The following CSMD1 variants were observed in gnomAD, a reference collection of about 807,000 sequenced individuals.
CSMD1 encodes CUB and sushi domain-containing protein 1.
In CSMD1, 213 loss-of-function variants were observed where a neutral mutation model predicts 417.5. That is an observed-to-expected ratio of 0.51 (90% CI 0.46 to 0.57). The LOEUF is 0.57. Among genes scored for constraint, CSMD1 ranks in the 20% least tolerant of loss-of-function variants. CSMD1 has a pLI of 0.00. For missense variants in CSMD1, 6,923 were observed against 4,529.7 expected (o/e 1.53, Z -15.17); for synonymous variants, 2,862 against 1,736.8 (o/e 1.65, Z -16.11).
chr8:4,283,800 C>T lies in CSMD1; in HGVS notation c.415+136153G>A, dbSNP rs545839052. Among the ~76,000 whole-genome samples the T allele has an allele frequency of 4.5e-4, 68 of 151,878 alleles. No individual in the cohort carries two copies. The South Asian group carries it at 0.012, about 27-fold the overall frequency. ...CAAAAGGAGAATAAAAAAAAAAATC[C>T]GCTTTACCCACCTATAAAATCCTAC... On this transcript the variant is annotated intron_variant, in intron 3 of 69. Transcript: ENST00000635120.
In CSMD1 at chr8:2,974,458, G is replaced by A. The variant is rs1172191962; in HGVS notation, c.8733C>T (p.His2911=). 6.2e-7 allele frequency: 1 copy of A among 1,604,020 alleles called. No individual in the cohort carries two copies. Among genetic ancestry groups the A allele is most frequent in the African/African-American group, 1.3e-5 (1 of 74,676 alleles). Residue 2911 remains histidine (H), a synonymous_variant, in exon 56 of 70, where the codon CAC becomes CAT. Transcript: ENST00000635120. The part of the protein sequence containing the change: ...EDSHWSGALP[H]CTGNNPGFCG... ...CACTCGTAAGCCCCTCACCTGTGCA[G>A]TGGGGCAGTGCCCCGCTCCAGTGAC...
chr8:4,254,705 T>G (rs770613227), intron 3 of CSMD1, among the ~76,000 whole-genome samples: 3 of 152,124 alleles, frequency 2.0e-5, no homozygotes, highest in Non-Finnish European at 4.4e-5. Context: ...ACCGTACCTT[T>G]TCCATGTGTA....
intron 5 of CSMD1, among the ~76,000 whole-genome samples, chr8:3,833,371 C>A (rs984669586): frequency 2.0e-5 from 3 of 152,046 alleles, no homozygotes; most frequent in Non-Finnish European, 4.4e-5. Context: ...CATTTCCTCA[C>A]CTCCTAAAAT....
intron 1 of CSMD1, among the ~76,000 whole-genome samples, chr8:4,964,984 G>C (rs1301248120): frequency 2.0e-5 from 3 of 152,036 alleles, no homozygotes; most frequent in Admixed American, 6.6e-5. Context: ...CTTTTGCTTT[G>C]GGTCACTTCT....
At chr8:3,182,425 G>A (rs1170139885) in intron 36 of CSMD1, among the ~76,000 whole-genome samples, 1 of 152,128 alleles carries the variant, frequency 6.6e-6, no homozygotes, top group Non-Finnish European at 1.5e-5. Context: ...ATGTTGGCCA[G>A]GCTGGTCTCG....
At chr8:3,421,207 G>C (rs1813467308) in intron 12 of CSMD1, among the ~76,000 whole-genome samples, 1 of 152,146 alleles carries the variant, frequency 6.6e-6, no homozygotes, top group Admixed American at 6.5e-5. Flanking sequence ...ACCAAGTCTG[G>C]AGGAAAATGC....
At chr8:3,575,657 C>T (rs1026328378) in intron 9 of CSMD1, among the ~76,000 whole-genome samples, 21 of 151,738 alleles carry the variant, frequency 1.4e-4, no homozygotes, top group African/African-American at 2.9e-4. Flanking sequence ...TACAGCACAA[C>T]GCAAATAGGA....
chr8:4,310,225 T>C (rs145083934), intron 3 of CSMD1, among the ~76,000 whole-genome samples: 2 of 152,306 alleles, frequency 1.3e-5, no homozygotes, highest in East Asian at 3.9e-4. Context: ...GATTCAGGAA[T>C]TAGCAATTAA....
intron 65 of CSMD1, among the ~76,000 whole-genome samples, chr8:2,952,412 C>G (rs1802697258): frequency 6.6e-6 from 1 of 152,164 alleles, no homozygotes; most frequent in African/African-American, 2.4e-5. Context: ...ACCTATAAAA[C>G]TTGGCCTAGC....
intron 5 of CSMD1, among the ~76,000 whole-genome samples, chr8:3,900,802 T>G (rs1272964393): frequency 2.6e-5 from 4 of 152,170 alleles, no homozygotes; most frequent in African/African-American, 9.7e-5. Context: ...CAGCAGCTGG[T>G]TGACACTGCA....
At chr8:3,826,256 G>C (rs1802048441) in intron 5 of CSMD1, among the ~76,000 whole-genome samples, 1 of 152,098 alleles carries the variant, frequency 6.6e-6, no homozygotes, top group African/African-American at 2.4e-5. Context: ...GTCAGCCCAG[G>C]CACGGGTCAC....
intron 23 of CSMD1, among the ~76,000 whole-genome samples, chr8:3,333,132 G>A (rs964179397): frequency 6.6e-6 from 1 of 152,146 alleles, no homozygotes. Context: ...TGACCACTGT[G>A]ACGACCTGAG....
chr8:3,564,708 C>G (rs12681271), intron 10 of CSMD1, among the ~76,000 whole-genome samples: 120,516 of 151,828 alleles, frequency 0.79, 48,079 homozygotes, highest in Admixed American at 0.82. Flanking sequence ...GGAGAATGTA[C>G]GTGCCCTTGT....
chr8:4,100,471 A>C (rs1160557510), intron 3 of CSMD1, among the ~76,000 whole-genome samples: 1 of 152,198 alleles, frequency 6.6e-6, no homozygotes, highest in African/African-American at 2.4e-5. Context: ...AATGTTGCTT[A>C]ACTTTTCTAA....
intron 3 of CSMD1, among the ~76,000 whole-genome samples, chr8:4,389,735 G>C (rs1417646093): frequency 6.6e-6 from 1 of 151,988 alleles, no homozygotes; most frequent in Non-Finnish European, 1.5e-5. Flanking sequence ...AAATTGGCAT[G>C]AGTAGTTACA....
chr8:3,322,438 CT>C (rs1199865124), intron 23 of CSMD1, among the ~76,000 whole-genome samples: 1 of 152,172 alleles, frequency 6.6e-6, no homozygotes, highest in Admixed American at 6.5e-5. Context: ...AGAATTTCTT[CT>C]TCCAAATAGG....
rs369967874 is a variant in CSMD1 at position 4,449,389 on chromosome 8, G to C, written c.303-29324C>G. On this transcript the variant is annotated intron_variant, in intron 2 of 69. Transcript: ENST00000635120. ...AGAATGATTCTGGTGTATAACATAA[G>C]AGATACTGTGGCTATGTTTAGAATA... 3.9e-4 allele frequency among the ~76,000 whole-genome samples: 59 copies of C among 152,270 alleles called. 1 individual carries two copies. The highest frequency in any genetic ancestry group is 2.5e-3 in the South Asian group (12 of 4,826).
At chr8:3,984,575 T>A (rs1377244505) in intron 5 of CSMD1, among the ~76,000 whole-genome samples, 4 of 151,362 alleles carry the variant, frequency 2.6e-5, no homozygotes, top group Non-Finnish European at 5.9e-5. Context: ...TATAGCCAAG[T>A]ACAATATTTG....
At chr8:2,988,693 C>A (rs1386260700) in intron 54 of CSMD1, among the ~76,000 whole-genome samples, 6 of 152,096 alleles carry the variant, frequency 3.9e-5, no homozygotes, top group Admixed American at 2.6e-4. Context: ...AAAAGGGATA[C>A]CTTCTTTTAT....
Sources: gnomAD v4.1 joint callset for allele counts (sites outside exome capture counted in the v4.1 genomes callset) on GRCh38, gnomAD v4.1.1 for gene constraint, MANE v1.5 for transcripts, NCBI Gene and HGNC (gene_info 2026-07-23, HGNC 2026-07-21) for gene names.